Variants in SMAP1 observed in about 807,000 individuals in gnomAD.
SMAP1 encodes stromal membrane-associated protein 1.
Under a neutral mutation model 58.5 loss-of-function variants are expected in SMAP1, and 24 were observed. The observed-to-expected ratio is 0.41, with a 90% confidence interval of 0.30 to 0.58. SMAP1 has a LOEUF of 0.58. Ranked by LOEUF, SMAP1 falls within the 20% of genes least tolerant of loss-of-function variation. The probability of loss-of-function intolerance (pLI) is 0.29; values close to 1 mark genes in which losing one functional copy is unlikely to be tolerated. For synonymous variants in SMAP1, 216 were observed against 196.6 expected (o/e 1.10, Z -0.82); for missense variants, 563 against 566.3 (o/e 0.99, Z 0.06).
At chr6:70,739,508 C>G (rs1392790635) in intron 2 of SMAP1, among the ~76,000 whole-genome samples, 1 of 151,996 alleles carries the variant, frequency 6.6e-6, no homozygotes, top group African/African-American at 2.4e-5. Context: ...ATCTTCTGTG[C>G]TTATGTGTTT....
intron 6 of SMAP1, among the ~76,000 whole-genome samples, chr6:70,803,196 T>G (rs1420483701): frequency 6.6e-6 from 1 of 152,214 alleles, no homozygotes; most frequent in Non-Finnish European, 1.5e-5. Context: ...TATTGGTCTA[T>G]TCAGAGATTC....
In SMAP1 at chr6:70,785,462, T is replaced by G. The variant is rs181925926; in HGVS notation, c.415-6227T>G. ...GAAATAACTAAAATCAGAGCAGAAC[T>G]GAAGGAAATAGAGACACAAAAAACC... On this transcript the variant is annotated intron_variant, in intron 4 of 10. Coordinates refer to ENST00000370455, the MANE Select transcript of SMAP1 (RefSeq NM_001044305.3). Among the ~76,000 whole-genome samples the G allele has an allele frequency of 3.6e-4, 55 of 151,890 alleles. No individual in the cohort carries two copies. In the East Asian group the frequency reaches 9.8e-3, roughly 27 times the overall value.
At chr6:70,702,078 T>G (rs1767651496) in intron 1 of SMAP1, among the ~76,000 whole-genome samples, 1 of 152,238 alleles carries the variant, frequency 6.6e-6, no homozygotes. Flanking sequence ...GTGAGAAATC[T>G]GTCATCATTG....
chr6:70,816,684 C>T (rs928627230), intron 6 of SMAP1, among the ~76,000 whole-genome samples: 5 of 152,258 alleles, frequency 3.3e-5, no homozygotes, highest in Non-Finnish European at 5.9e-5. Context: ...CCTGCTGTCA[C>T]ATATAATCAT....
intron 5 of SMAP1, among the ~76,000 whole-genome samples, chr6:70,792,455 G>C: frequency 6.6e-6 from 1 of 151,140 alleles, no homozygotes. Context: ...ACAAAGGCAA[G>C]ATATAGCCCC....
At chr6:70,723,072 A>G (rs796823024) in intron 1 of SMAP1, among the ~76,000 whole-genome samples, 1 of 152,174 alleles carries the variant, frequency 6.6e-6, no homozygotes, top group South Asian at 2.1e-4. Flanking sequence ...ATTATATTTT[A>G]TAGGGATGTA....
intron 1 of SMAP1, among the ~76,000 whole-genome samples, chr6:70,698,376 A>G (rs1767496454): frequency 1.3e-5 from 2 of 152,092 alleles, no homozygotes; most frequent in Admixed American, 6.6e-5. Context: ...GTCTCGAGGT[A>G]GTCTTATTTC....
Position 70,754,104 on chromosome 6 carries a change from A to G in SMAP1, c.253-876A>G, listed in dbSNP as rs565602920. Among the ~76,000 whole-genome samples, 33 of 152,238 alleles carry G rather than the reference A, an allele frequency of 2.2e-4. No individual in the cohort carries two copies. The South Asian group carries it at 6.4e-3, about 30-fold the overall frequency. ...AGGGGTGTGTGTCTGGGAAACAGGA[A>G]GAAAAAGAAATATTATGAAAACTGA... On this transcript the variant is annotated intron_variant, in intron 2 of 10. Coordinates refer to ENST00000370455, the MANE Select transcript of SMAP1 (RefSeq NM_001044305.3).
At chr6:70,817,265 G>T (rs1769679372) in intron 6 of SMAP1, among the ~76,000 whole-genome samples, 1 of 151,844 alleles carries the variant, frequency 6.6e-6, no homozygotes, top group Non-Finnish European at 1.5e-5. Context: ...GACCTTTATT[G>T]CTTTAGTATT....
intron 2 of SMAP1, among the ~76,000 whole-genome samples, chr6:70,750,026 T>G (rs910628222): frequency 6.6e-6 from 1 of 152,230 alleles, no homozygotes; most frequent in African/African-American, 2.4e-5. Flanking sequence ...TTTCAGGTGG[T>G]ATGTCATTTA....
chr6:70,771,454 G>A (rs1767305693), intron 3 of SMAP1, among the ~76,000 whole-genome samples: 1 of 152,370 alleles, frequency 6.6e-6, no homozygotes, highest in Non-Finnish European at 1.5e-5. Context: ...CCTGGGCAAT[G>A]GCGGGCGCCC....
chr6:70,686,810 T>A (rs1437210999), intron 1 of SMAP1, among the ~76,000 whole-genome samples: 2 of 152,224 alleles, frequency 1.3e-5, no homozygotes, highest in African/African-American at 2.4e-5. Flanking sequence ...TACTCTGTAA[T>A]TTCAAAAGTT....
chr6:70,760,266 T>TA (rs1171226666), intron 3 of SMAP1, among the ~76,000 whole-genome samples: 6 of 152,280 alleles, frequency 3.9e-5, no homozygotes, highest in African/African-American at 1.4e-4. Flanking sequence ...TTGCTGTTGT[T>TA]ACCTCAGTCA....
chr6:70,804,312 G>GTTT (rs551493045), intron 6 of SMAP1, among the ~76,000 whole-genome samples: 3 of 136,904 alleles, frequency 2.2e-5, no homozygotes, highest in Admixed American at 7.3e-5. Flanking sequence ...TGCAACCCCT[G>GTTT]TTTTTTTTTT....
At chr6:70,689,850 T>C (rs1767085168) in intron 1 of SMAP1, among the ~76,000 whole-genome samples, 1 of 152,186 alleles carries the variant, frequency 6.6e-6, no homozygotes, top group South Asian at 2.1e-4. Context: ...TTAAAAATTT[T>C]AATTTCTGAT....
chr6:70,738,855 T>G (rs1031364739), intron 2 of SMAP1, among the ~76,000 whole-genome samples: 1 of 152,158 alleles, frequency 6.6e-6, no homozygotes, highest in South Asian at 2.1e-4. Flanking sequence ...TTGAGATGTT[T>G]AGGATTATAA....
At chr6:70,859,316 C>T (rs1194670851) in intron 10 of SMAP1, 1 of 1,541,136 alleles carries the variant, frequency 6.5e-7, no homozygotes, top group Non-Finnish European at 8.8e-7. Flanking sequence ...TTAATACTGG[C>T]TCTTACTTCC....
At position 70,858,189 on chromosome 6, in the gene SMAP1, G is replaced by T. The variant is rs368467019; in HGVS notation, c.1229G>T (p.Gly410Val). 6.4e-5 allele frequency: 104 copies of T among 1,613,026 alleles called. No individual in the cohort carries two copies. Among genetic ancestry groups the T allele is most frequent in the Non-Finnish European group, 8.7e-5 (103 of 1,179,858 alleles). ...ATGGGTGCACCCCAGAGTAAGTTTG[G>T]CCTGCCGCAAGCTCAGCAGCCCCAG... Reference protein sequence around the residue: ...GQMGAPQSKFGLPQAQQPQWS... With the variant: ...GQMGAPQSKFVLPQAQQPQWS... Residue 410 changes from glycine to valine, a missense_variant, in exon 10 of 11, where the codon GGC (glycine) becomes GTC (valine). By Grantham distance (109) the Gly-to-Val change is moderately radical (BLOSUM62 -3). Transcript: ENST00000370455.
At chr6:70,679,310 C>T (rs947280310) in intron 1 of SMAP1, among the ~76,000 whole-genome samples, 2 of 152,072 alleles carry the variant, frequency 1.3e-5, no homozygotes, top group African/African-American at 2.4e-5. Context: ...TGAGCCACCG[C>T]GCCTGGCCAG....
Sources: allele counts gnomAD v4.1 joint callset (sites outside exome capture counted in the v4.1 genomes callset), GRCh38; gene constraint gnomAD v4.1.1; transcripts MANE v1.5; gene names NCBI Gene and HGNC (gene_info 2026-07-23, HGNC 2026-07-21).